The following PPIL2 variants were observed in gnomAD, a reference collection of about 807,000 sequenced individuals.
The protein encoded by PPIL2 is peptidylprolyl isomerase like 2.
PPIL2 carries 50 observed loss-of-function variants against 75.2 expected under a neutral mutation model. The ratio of observed to expected loss-of-function variants is 0.66; its 90% confidence interval spans 0.53 to 0.84. The LOEUF (loss-of-function observed/expected upper bound fraction) is 0.84, where lower values mean the gene tolerates loss of function less well. Among genes scored for constraint, PPIL2 ranks in the 40% least tolerant of loss-of-function variants. The probability of loss-of-function intolerance (pLI) is 0.00; values close to 1 mark genes in which losing one functional copy is unlikely to be tolerated. For missense variants in PPIL2, 590 were observed against 685.0 expected (o/e 0.86, Z 1.55); for synonymous variants, 245 against 258.8 (o/e 0.95, Z 0.51).
At chr22:21,684,517 T>C (rs2067271105) in intron 9 of PPIL2, among the ~76,000 whole-genome samples, 1 of 127,364 alleles carries the variant, frequency 7.9e-6, no homozygotes, top group Non-Finnish European at 1.7e-5. Flanking sequence ...GATTAGAATA[T>C]ACAGATAAAT....
Position 21,681,335 on chromosome 22 carries a change from C to T in PPIL2, c.332C>T (p.Thr111Ile). 2 of 1,614,162 alleles carry T rather than the reference C, an allele frequency of 1.2e-6. No homozygotes were observed. Among genetic ancestry groups the T allele is most frequent in the Non-Finnish European group, 1.7e-6 (2 of 1,179,996 alleles). ...YHCPVLFTVF[T>I]NNTHIVAVRT... ...TGCCCAGTGCTGTTTACCGTGTTCA[C>T]CAACAACACCCACATCGTGGCTGTG... The change falls in exon 7 of 20, where the codon ACC becomes ATC. Residue 111 changes from threonine to isoleucine, a missense_variant. By Grantham distance (89) the Thr-to-Ile change is moderately conservative (BLOSUM62 -1). Transcript: ENST00000398831.
intron 2 of PPIL2, chr22:21,670,303 C>G: frequency 6.7e-7 from 1 of 1,482,820 alleles, no homozygotes; most frequent in Non-Finnish European, 9.0e-7. Context: ...TTTCAGCTGT[C>G]AAAACTATCA....
chr22:21,667,152 A>ATTTTTTTTT (rs747410460), intron 1 of PPIL2, among the ~76,000 whole-genome samples: 1 of 106,554 alleles, frequency 9.4e-6, no homozygotes, highest in Non-Finnish European at 1.8e-5. Context: ...CTCAGTCCTC[A>ATTTTTTTTT]TTTTTTTTTT....
In PPIL2 at chr22:21,670,069, T is replaced by C. The variant is rs966610266; in HGVS notation, c.82+107T>C. 5 of 1,208,348 alleles carry C rather than the reference T, an allele frequency of 4.1e-6. No homozygotes were observed. In the African/African-American group the frequency reaches 6.0e-5, roughly 14 times the overall value. 74.9% of individuals were successfully genotyped at this position (1,208,348 alleles called of 1,614,324 possible). ...ATAGACAACAAGAACACGGAAACTA[T>C]GGTAGACGAATGGGCTGAGGACACA... is the stretch of plus-strand genomic sequence containing the variant. On this transcript the variant is annotated intron_variant, in intron 2 of 19. Transcript: ENST00000398831.
At chr22:21,693,693 G>A (rs559774680) in intron 15 of PPIL2, 123 bp from the exon 16 acceptor site, 111 of 987,874 alleles carry the variant, frequency 1.1e-4, no homozygotes, top group Admixed American at 2.0e-4. Flanking sequence ...GCACACATGC[G>A]TCCGTGGAAG....
In PPIL2 at chr22:21,666,099, C is replaced by G; in HGVS notation, c.-1C>G. The G allele has an allele frequency of 6.2e-7, 1 of 1,613,622 alleles. No homozygotes were observed. The highest frequency in any genetic ancestry group is 8.5e-7 in the Non-Finnish European group (1 of 1,179,784). On this transcript the variant is annotated 5_prime_UTR_variant, in exon 1 of 20. Transcript: ENST00000398831. ...TCGCTAGTCGCCGCCGCCGCTCCGC[C>G]ATGGGGAAGCGACAGCACCAAAAGG...
intron 10 of PPIL2, among the ~76,000 whole-genome samples, chr22:21,685,965 AT>A (rs946041871): frequency 2.0e-5 from 3 of 151,538 alleles, no homozygotes; most frequent in African/African-American, 7.3e-5. Flanking sequence ...AGGCCAGGAG[AT>A]CAAGACTAGG....
At chr22:21,682,912 G>A (rs2067192188) in intron 8 of PPIL2, among the ~76,000 whole-genome samples, 1 of 152,202 alleles carries the variant, frequency 6.6e-6, no homozygotes, top group South Asian at 2.1e-4. Context: ...CTCCCTAACA[G>A]CAATGAATGC....
chr22:21,697,395 G>A lies in PPIL2; in HGVS notation c.*1905G>A. ...GGCCACATTCAAGTCCCCCATTGGT[G>A]GGGGCAGAGAAGTAGGACCAGGCCA... is the stretch of plus-strand genomic sequence containing the variant. On this transcript the variant is annotated 3_prime_UTR_variant, in exon 20 of 20. Transcript: ENST00000398831. The A allele has an allele frequency of 4.6e-6, 1 of 217,496 alleles. No homozygotes were observed. The highest frequency in any genetic ancestry group is 9.3e-6 in the Non-Finnish European group (1 of 107,696). 13.5% of individuals were successfully genotyped at this position (217,496 alleles called of 1,614,324 possible). A position where few individuals can be genotyped will look rare whatever the true frequency, so the allele number is the denominator to read the frequency against.
chr22:21,686,987 C>T lies in PPIL2; in HGVS notation c.886C>T (p.His296Tyr). Residue 296 changes from histidine (H) to tyrosine (Y), a missense_variant, in exon 12 of 20, where the codon CAC becomes TAC. By Grantham distance (83) the His-to-Tyr change is moderately conservative (BLOSUM62 2). Transcript: ENST00000398831. ...TNKGDLNLEL[H>Y]CDLTPKTCEN... ...CAAGGGCGACCTCAACCTGGAGCTG[C>T]ACTGCGACCTGGTGGGTGTGGAGGC... 6.2e-7 allele frequency: 1 copy of T among 1,613,832 alleles called. No individual in the cohort carries two copies. The highest frequency in any genetic ancestry group is 8.5e-7 in the Non-Finnish European group (1 of 1,179,978).
Position 21,695,630 on chromosome 22 carries a change from GC to G in PPIL2, c.*144del. The G allele has an allele frequency of 6.8e-7, 1 of 1,468,846 alleles. No individual in the cohort carries two copies. Among genetic ancestry groups the G allele is most frequent in the Non-Finnish European group, 9.0e-7 (1 of 1,106,684 alleles). The allele number at this position is 1,468,846 out of a possible 1,614,324, so 91.0% of individuals were successfully genotyped here. On this transcript the variant is annotated 3_prime_UTR_variant, in exon 20 of 20. Coordinates refer to ENST00000398831, the MANE Select transcript of PPIL2 (RefSeq NM_014337.4). ...CCTGCTGCCTGCATCCCCTTTCCTG[GC>G]CCCTGGGAGCCCACAGCCTTCCCAT...
intron 6 of PPIL2, among the ~76,000 whole-genome samples, chr22:21,678,630 C>A (rs2066975737): frequency 6.6e-6 from 1 of 152,200 alleles, no homozygotes; most frequent in Non-Finnish European, 1.5e-5. Context: ...CCTGCTGTCT[C>A]CCATCTGTGC....
chr22:21,688,243 G>A (rs868425156), intron 14 of PPIL2, 137 bp downstream of exon 14: 215 of 1,152,476 alleles, frequency 1.9e-4, no homozygotes, highest in Middle Eastern at 1.4e-3. Context: ...AGCCATCAGT[G>A]CTGTGCCCCC....
Position 21,681,382 on chromosome 22 carries a change from G to A in PPIL2, c.379G>A (p.Ala127Thr), listed in dbSNP as rs376513014. The change falls in exon 7 of 20, where the codon GCC (alanine) becomes ACC (threonine). Residue 127 changes from alanine (A) to threonine (T), a missense_variant. Transcript: ENST00000398831. ...VAVRTTGNVYAYEAVEQLNIK... is the reference protein window; with the variant it reads ...VAVRTTGNVYTYEAVEQLNIK... ...TGTGAGGACGACCGGCAACGTCTAC[G>A]CCTATGAGGTGTGTCCTCGCTCCGG... 1.7e-4 allele frequency: 271 copies of A among 1,612,738 alleles called. 1 individual carries two copies. Among genetic ancestry groups the A allele is most frequent in the Non-Finnish European group, 2.0e-4 (239 of 1,178,810 alleles).
Position 21,696,855 on chromosome 22 carries a change from A to C in PPIL2, c.*1365A>C, listed in dbSNP as rs572634223. The stretch of plus-strand genomic sequence containing the variant: ...GGATGCTGGGTGGCGCCTCATCTGC[A>C]TCTCTGCCTCACCCCATCCACTGCC... On this transcript the variant is annotated 3_prime_UTR_variant, in exon 20 of 20. Transcript: ENST00000398831. The C allele has an allele frequency of 1.9e-6, 3 of 1,580,426 alleles. No homozygotes were observed. The highest frequency in any genetic ancestry group is 2.7e-5 in the African/African-American group (2 of 74,118).
At chr22:21,683,046 C>G in intron 8 of PPIL2, 136 bp from the exon 9 acceptor site, 3 of 782,356 alleles carry the variant, frequency 3.8e-6, no homozygotes, top group Non-Finnish European at 6.8e-6. Context: ...TCCCTCATGC[C>G]CTGCTTGACT....
chr22:21,671,197 T>G, intron 4 of PPIL2, 138 bp downstream of exon 4: 1 of 878,172 alleles, frequency 1.1e-6, no homozygotes, highest in South Asian at 1.4e-5. Flanking sequence ...ATGGCAGCAA[T>G]GCTGCTGTGA....
chr22:21,682,374 C>A, intron 7 of PPIL2, 63 bp from the exon 8 acceptor site: 1 of 1,431,508 alleles, frequency 7.0e-7, no homozygotes. Flanking sequence ...GGCCTCCCTG[C>A]TTGCAGTCCC....
intron 12 of PPIL2, 105 bp downstream of exon 12, chr22:21,687,103 GA>G: frequency 1.8e-6 from 2 of 1,130,490 alleles, no homozygotes; most frequent in Non-Finnish European, 2.6e-6. Context: ...CTTGTTGTAG[GA>G]AATTCAGCCT....
Sources: gnomAD v4.1 joint callset for allele counts (sites outside exome capture counted in the v4.1 genomes callset) on GRCh38, gnomAD v4.1.1 for gene constraint, MANE v1.5 for transcripts, NCBI Gene and HGNC (gene_info 2026-07-23, HGNC 2026-07-21) for gene names.